Variants in VWF observed in about 807,000 individuals in gnomAD.
VWF encodes von Willebrand factor.
A neutral mutation model predicts 308.6 loss-of-function variants in VWF; 176 were observed. The observed-to-expected ratio is 0.57, with a 90% confidence interval of 0.50 to 0.65. VWF has a LOEUF of 0.65. VWF is among the 30% of genes least tolerant of loss of function. VWF has a pLI of 0.00. For missense variants in VWF, 3,146 were observed against 3,648.2 expected, an observed-to-expected ratio of 0.86 and a Z score of 3.55; for synonymous variants, 1,385 against 1,443.4, an observed-to-expected ratio of 0.96 and a Z score of 0.92.
chr12:6,122,393 G>A (rs866515650), intron 2 of VWF, among the ~76,000 whole-genome samples: 1 of 152,104 alleles, frequency 6.6e-6, no homozygotes, highest in Non-Finnish European at 1.5e-5. Flanking sequence ...GAACTCCTCC[G>A]GCGTCACAGG....
At chr12:6,038,871 G>C (rs1944367099) in intron 18 of VWF, among the ~76,000 whole-genome samples, 1 of 152,210 alleles carries the variant, frequency 6.6e-6, no homozygotes, top group South Asian at 2.1e-4. Context: ...CACAGCATGA[G>C]ACTTCCTGAC....
At chr12:5,998,498 AATATATATATATATATATATAT>A (rs1428821953) in intron 34 of VWF, among the ~76,000 whole-genome samples, 1 of 30,954 alleles carries the variant, frequency 3.2e-5, no homozygotes, top group African/African-American at 1.6e-4. Context: ...AAAAAAAAAA[AATATATATATATATATATATAT>A]ATATATATAT....
intron 22 of VWF, 148 bp from the exon 23 acceptor site, chr12:6,026,194 C>G (rs1156655660): frequency 8.7e-7 from 1 of 1,154,878 alleles, no homozygotes; most frequent in Non-Finnish European, 1.3e-6. Context: ...AGAGGAGGCC[C>G]GAGGTGAGCA....
At chr12:6,106,800 G>A (rs908936935) in intron 5 of VWF, among the ~76,000 whole-genome samples, 1 of 150,890 alleles carries the variant, frequency 6.6e-6, no homozygotes, top group East Asian at 1.9e-4. Context: ...GCTTCAGCCC[G>A]GGAGGCGGAG....
At chr12:6,044,183 C>T (rs1032805054) in intron 18 of VWF, 108 bp downstream of exon 18, 9 of 1,401,046 alleles carry the variant, frequency 6.4e-6, no homozygotes, top group Non-Finnish European at 7.7e-6. Context: ...CATTGCTATC[C>T]GTGTTTAGCC....
Position 5,994,501 on chromosome 12 carries a change from T to G in VWF, c.6170A>C (p.His2057Pro), listed in dbSNP as rs1212564306. ...MHEVRFNHLGHIFTFTPQNNE... is the reference protein window; with the variant it reads ...MHEVRFNHLGPIFTFTPQNNE... Reference sequence around the variant, plus strand: ...GTTTTGTGGAGTGAATGTGAAGATGTGACCAAGGTGATTGAATCTGACCTC... The same window carrying G: ...GTTTTGTGGAGTGAATGTGAAGATGGGACCAAGGTGATTGAATCTGACCTC... Residue 2057 changes from histidine (H) to proline (P), a missense_variant, in exon 36 of 52, where the codon CAC becomes CCC. Coordinates refer to ENST00000261405, the MANE Select transcript of VWF (RefSeq NM_000552.5). 6.2e-7 allele frequency: 1 copy of G among 1,614,110 alleles called. No individual in the cohort carries two copies. The highest frequency in any genetic ancestry group is 1.1e-5 in the South Asian group (1 of 91,076).
intron 43 of VWF, among the ~76,000 whole-genome samples, chr12:5,975,496 G>A (rs1943522887): frequency 6.6e-6 from 1 of 152,308 alleles, no homozygotes; most frequent in Admixed American, 6.5e-5. Flanking sequence ...CTCAGGGGCA[G>A]CCACCACGAA....
intron 44 of VWF, among the ~76,000 whole-genome samples, chr12:5,971,342 G>C (rs1027014491): frequency 6.6e-6 from 1 of 152,232 alleles, no homozygotes; most frequent in Non-Finnish European, 1.5e-5. Context: ...CAGATTCACA[G>C]GTGAATGAGA....
At chr12:6,121,075 G>T in intron 3 of VWF, 99 bp downstream of exon 3, 1 of 1,521,472 alleles carries the variant, frequency 6.6e-7, no homozygotes, top group Non-Finnish European at 9.0e-7. Flanking sequence ...TGACCTTTCC[G>T]CTCAGACACT....
chr12:6,035,272 A>G (rs2136431117), intron 19 of VWF, among the ~76,000 whole-genome samples: 1 of 152,368 alleles, frequency 6.6e-6, no homozygotes, highest in South Asian at 2.1e-4. Flanking sequence ...AGCCCAGAGT[A>G]TAGAAAAGAG....
chr12:6,057,768 C>A (rs1944604151), intron 14 of VWF, 81 bp downstream of exon 14: 1 of 1,475,976 alleles, frequency 6.8e-7, no homozygotes, highest in East Asian at 2.3e-5. Flanking sequence ...GCGGTGGGAG[C>A]ACTGCCTCCG....
At chr12:6,088,494 CGA>C (rs72322913) in intron 6 of VWF, among the ~76,000 whole-genome samples, 17 of 137,166 alleles carry the variant, frequency 1.2e-4, no homozygotes, top group Middle Eastern at 4.1e-3. Flanking sequence ...AAAAAAAAAG[CGA>C]GAGAGAGAGA....
chr12:5,991,830 C>T lies in VWF; in HGVS notation c.6787G>A (p.Val2263Ile). ...ACTQCIGEDG[V>I]QHQFLEAWVP... ...GCCCAGGCTCCTACCTGGTGCTGGA[C>T]TCCATCCTCACCAATGCACTGAGTG... Residue 2263 changes from valine (V) to isoleucine (I), a missense_variant, in exon 38 of 52, where the codon GTC (valine) becomes ATC (isoleucine). Val to Ile is a conservative substitution (Grantham distance 29). Around this residue, in one of 3 missense-constraint regions of VWF, gnomAD observed 989 missense variants for 1,117.4 expected, o/e 0.89. Coordinates refer to ENST00000261405, the MANE Select transcript of VWF (RefSeq NM_000552.5). 2 of 1,614,108 alleles carry T rather than the reference C, an allele frequency of 1.2e-6. No individual in the cohort carries two copies. The highest frequency in any genetic ancestry group is 2.2e-5 in the East Asian group (1 of 44,890).
chr12:6,000,829 A>AAAAAAG (rs1565825298), intron 34 of VWF, among the ~76,000 whole-genome samples: 1 of 151,522 alleles, frequency 6.6e-6, no homozygotes. Context: ...AAAAAAAAAA[A>AAAAAAG]AAAAAGAAAT....
At position 6,044,298 on chromosome 12, in the gene VWF, G is replaced by A. The variant is rs62643631; in HGVS notation, c.2435C>T (p.Pro812Leu). ...MGCVSGCLCP[P>L]GMVRHENRCV... ...CTGTGCCTGGTGACTCACCATGCCC[G>A]GGGGGCAGAGGCAGCCAGAGACACA... The change falls in exon 18 of 52, where the codon CCG becomes CTG. Residue 812 changes from proline to leucine, a missense_variant. By Grantham distance (98) the Pro-to-Leu change is moderately conservative. This residue lies in a region of VWF where 1,304 missense variants were observed against 1,353.0 expected (regional missense o/e 0.96). Transcript: ENST00000261405. The A allele has an allele frequency of 4.6e-5, 74 of 1,613,744 alleles. No individual in the cohort carries two copies. In the South Asian group the frequency reaches 5.3e-4, roughly 11 times the overall value.
chr12:6,045,159 G>A (rs542007559), intron 17 of VWF, among the ~76,000 whole-genome samples: 4 of 152,292 alleles, frequency 2.6e-5, no homozygotes, highest in Middle Eastern at 3.4e-3. Flanking sequence ...ATCCTACTTC[G>A]TGGCAATTAG....
In VWF at chr12:6,031,821, G is replaced by C. The variant is rs534788369; in HGVS notation, c.2686-243C>G. On this transcript the variant is annotated intron_variant, in intron 20 of 51. Transcript: ENST00000261405. ...CAGGTGCCTGCAGTGAGTGGGGTGG[G>C]GGTGGGGAAGGAGGGGGAGGGAAGG... Among the ~76,000 whole-genome samples the C allele has an allele frequency of 2.0e-5, 3 of 151,836 alleles. No homozygotes were observed. The South Asian group carries it at 6.3e-4, about 32-fold the overall frequency.
intron 18 of VWF, among the ~76,000 whole-genome samples, chr12:6,040,105 G>A (rs577882582): frequency 6.6e-6 from 1 of 152,258 alleles, no homozygotes; most frequent in Admixed American, 6.5e-5. Context: ...GGACCTCAGG[G>A]TTTCTTCTTC....
intron 43 of VWF, 74 bp from the exon 44 acceptor site, chr12:5,971,783 C>T (rs1181502040): frequency 4.3e-5 from 55 of 1,293,792 alleles, no homozygotes; most frequent in Non-Finnish European, 6.1e-5. Flanking sequence ...ACGCCTCCTG[C>T]GTACTGAGCC....
Sources: allele counts gnomAD v4.1 joint callset (sites outside exome capture counted in the v4.1 genomes callset), GRCh38; gene constraint gnomAD v4.1.1; regional missense constraint gnomAD v4.1.1; transcripts MANE v1.5; gene names NCBI Gene and HGNC (gene_info 2026-07-23, HGNC 2026-07-21).